Variants in NLGN1 observed in about 807,000 individuals in gnomAD.
NLGN1 encodes the protein neuroligin-1.
A neutral mutation model predicts 65.5 loss-of-function variants in NLGN1; 12 were observed. The ratio of observed to expected loss-of-function variants is 0.18; its 90% CI spans 0.12 to 0.30. NLGN1 has a LOEUF of 0.30. NLGN1 is among the 10% of genes least tolerant of loss of function. NLGN1 has a pLI of 1.00. For synonymous variants in NLGN1, 350 were observed against 359.5 expected, an observed-to-expected ratio of 0.97 and a Z score of 0.30; for missense variants, 750 against 1,007.1, an observed-to-expected ratio of 0.74 and a Z score of 3.46.
intron 3 of NLGN1, among the ~76,000 whole-genome samples, chr3:173,651,974 A>G (rs1577745647): frequency 1.3e-5 from 2 of 151,974 alleles, no homozygotes; most frequent in Non-Finnish European, 2.9e-5. Context: ...TGTGTTTTCT[A>G]GTAGAGATGG....
chr3:174,006,726 G>A (rs777053944), intron 4 of NLGN1, among the ~76,000 whole-genome samples: 8 of 152,232 alleles, frequency 5.3e-5, no homozygotes, highest in South Asian at 2.1e-4. Context: ...AAGTTAAAAT[G>A]AGGCTGTTAG....
intron 4 of NLGN1, among the ~76,000 whole-genome samples, chr3:174,068,170 A>G (rs1037881618): frequency 2.0e-5 from 3 of 151,750 alleles, no homozygotes; most frequent in African/African-American, 7.3e-5. Context: ...GAGCTCCAAG[A>G]TCAGCATACA....
intron 4 of NLGN1, among the ~76,000 whole-genome samples, chr3:174,204,442 A>G (rs1577348047): frequency 1.3e-5 from 2 of 152,320 alleles, no homozygotes; most frequent in East Asian, 3.9e-4. Context: ...CCGATCAGCC[A>G]CTGGATTAGT....
intron 3 of NLGN1, among the ~76,000 whole-genome samples, chr3:173,618,209 T>TC (rs144384158): frequency 0.053 from 7,993 of 152,058 alleles, 474 homozygotes; most frequent in African/African-American, 0.13. Flanking sequence ...TTCTTCTTTT[T>TC]TTTAGAGACA....
rs761904953 is a variant in NLGN1, at chr3:174,195,631, G to C, written c.647-79684G>C. Among the ~76,000 whole-genome samples, 5 of 152,250 alleles carry C rather than the reference G, an allele frequency of 3.3e-5. 1 individual carries two copies. Among genetic ancestry groups the C allele is most frequent in the Admixed American group, 3.3e-4 (5 of 15,298 alleles). ...ATAATCCATGGCAGCCAATGCAGCCGAAGTGTCTGTGCACAAGAAATATTC... is the reference window on the plus strand; with the variant it reads ...ATAATCCATGGCAGCCAATGCAGCCCAAGTGTCTGTGCACAAGAAATATTC... On this transcript the variant is annotated intron_variant, in intron 4 of 6. Transcript: ENST00000457714.
intron 3 of NLGN1, among the ~76,000 whole-genome samples, chr3:173,651,354 C>T (rs574657897): frequency 1.5e-4 from 23 of 151,006 alleles, no homozygotes; most frequent in African/African-American, 4.9e-4. Flanking sequence ...CTTTTTTATT[C>T]GCTCATCTGT....
intron 4 of NLGN1, among the ~76,000 whole-genome samples, chr3:173,894,633 C>CTT (rs3979634): frequency 3.0e-5 from 4 of 134,168 alleles, no homozygotes; most frequent in Non-Finnish European, 6.4e-5. Flanking sequence ...TTTTCTTTTT[C>CTT]TTTTTTTTTT....
At chr3:173,812,868 A>G (rs1448447163) in intron 4 of NLGN1, among the ~76,000 whole-genome samples, 1 of 149,052 alleles carries the variant, frequency 6.7e-6, no homozygotes, top group African/African-American at 2.4e-5. Context: ...AGCATTATAC[A>G]CCTTTTCTGA....
chr3:174,154,309 C>CT (rs1724929755), intron 4 of NLGN1, among the ~76,000 whole-genome samples: 1 of 151,834 alleles, frequency 6.6e-6, no homozygotes, highest in East Asian at 1.9e-4. Flanking sequence ...TATAAATATA[C>CT]TTTTAAGTGC....
intron 4 of NLGN1, among the ~76,000 whole-genome samples, chr3:174,267,520 T>G (rs960491351): frequency 6.6e-6 from 1 of 152,182 alleles, no homozygotes; most frequent in African/African-American, 2.4e-5. Context: ...TCTCTCAAAC[T>G]TTAGGACCTT....
At chr3:173,612,600 C>T (rs1217466381) in intron 3 of NLGN1, among the ~76,000 whole-genome samples, 4 of 152,040 alleles carry the variant, frequency 2.6e-5, no homozygotes, top group East Asian at 1.9e-4. Context: ...TGTCTTCATG[C>T]GGTCTTCTTA....
intron 4 of NLGN1, among the ~76,000 whole-genome samples, chr3:173,927,233 T>C (rs1011235432): frequency 9.9e-5 from 15 of 152,058 alleles, no homozygotes; most frequent in Admixed American, 6.6e-5. Context: ...CTGGCTAATT[T>C]TTGTATTTTT....
chr3:173,492,261 G>A (rs992175490), intron 2 of NLGN1, among the ~76,000 whole-genome samples: 1 of 151,772 alleles, frequency 6.6e-6, no homozygotes. Context: ...GTTATTACTA[G>A]GAATATGTCT....
chr3:174,165,075 G>T (rs1171911904), intron 4 of NLGN1, among the ~76,000 whole-genome samples: 1 of 151,814 alleles, frequency 6.6e-6, no homozygotes, highest in Non-Finnish European at 1.5e-5. Context: ...GGTATTTTTT[G>T]TGTGTGTCTA....
intron 2 of NLGN1, among the ~76,000 whole-genome samples, chr3:173,527,690 C>T (rs1207152386): frequency 6.6e-6 from 1 of 152,188 alleles, no homozygotes; most frequent in Non-Finnish European, 1.5e-5. Context: ...AGCCACTGTG[C>T]CTGTCCCCAT....
chr3:173,539,815 CAT>C lies in NLGN1; in HGVS notation c.-320-64461_-320-64460del, dbSNP rs554821573. Among the ~76,000 whole-genome samples, 787 of 131,520 alleles carry C rather than the reference CAT, an allele frequency of 6.0e-3. 19 individuals are homozygous for C. The highest frequency in any genetic ancestry group is 0.058 in the South Asian group (260 of 4,488). 86.3% of individuals were successfully genotyped at this position (131,520 alleles called of 152,430 possible). On this transcript the variant is annotated intron_variant, in intron 2 of 6. Coordinates refer to ENST00000457714, the Ensembl canonical transcript of NLGN1. Reference sequence around the variant, plus strand: ...ATATATACATATATATACATATATACATATGTTATATATGTATATATGTTATA... The same window carrying C: ...ATATATACATATATATACATATATACATGTTATATATGTATATATGTTATA...
At chr3:173,800,441 T>G (rs1715216099) in intron 3 of NLGN1, 1 of 359,592 alleles carries the variant, frequency 2.8e-6, no homozygotes, top group Admixed American at 4.3e-5. Flanking sequence ...TGTCTTTTTT[T>G]GAAGAGTTGT....
At chr3:174,077,148 T>G (rs568862173) in intron 4 of NLGN1, among the ~76,000 whole-genome samples, 16 of 151,806 alleles carry the variant, frequency 1.1e-4, no homozygotes, top group African/African-American at 3.6e-4. Context: ...GATGGACACA[T>G]CGAGTGACAA....
intron 4 of NLGN1, among the ~76,000 whole-genome samples, chr3:174,045,757 A>C (rs1244858246): frequency 6.6e-6 from 1 of 152,082 alleles, no homozygotes; most frequent in Non-Finnish European, 1.5e-5. Context: ...TTTATTCTTT[A>C]CTCTATATTT....
Sources: gnomAD v4.1 joint callset for allele counts (sites outside exome capture counted in the v4.1 genomes callset) on GRCh38, gnomAD v4.1.1 for gene constraint, MANE v1.5 for transcripts, NCBI Gene and HGNC (gene_info 2026-07-23, HGNC 2026-07-21) for gene names.